RPGRIP1L: variants seen among roughly 807,000 people sequenced by gnomAD.
The protein encoded by RPGRIP1L is protein fantom.
Under a neutral mutation model 160.4 loss-of-function variants are expected in RPGRIP1L, and 131 were observed. That is an observed-to-expected ratio of 0.82 (90% CI 0.71 to 0.94). RPGRIP1L has a LOEUF of 0.94. Ranked by LOEUF, RPGRIP1L falls within the 40% of genes least tolerant of loss-of-function variation. The pLI, the probability that RPGRIP1L is intolerant of heterozygous loss-of-function variation, is 0.00. For synonymous variants in RPGRIP1L, 510 were observed against 515.8 expected, an observed-to-expected ratio of 0.99 and a Z score of 0.15; for missense variants, 1,522 against 1,535.8, an observed-to-expected ratio of 0.99 and a Z score of 0.15.
chr16:53,646,072 C>T, intron 16 of RPGRIP1L, 69 bp from the exon 17 acceptor site: 1 of 1,408,406 alleles, frequency 7.1e-7, no homozygotes, highest in Non-Finnish European at 1.0e-6. Context: ...CTGCCAAGCC[C>T]CAAATAAGAT....
rs555351583 is a variant in RPGRIP1L at position 53,637,070 on chromosome 16, C to T, written c.3221-558G>A. 3.3e-5 allele frequency among the ~76,000 whole-genome samples: 5 copies of T among 152,196 alleles called. No homozygotes were observed. The East Asian group carries it at 7.7e-4, about 24-fold the overall frequency. On this transcript the variant is annotated intron_variant, in intron 21 of 26. Coordinates refer to ENST00000647211, the MANE Select transcript of RPGRIP1L (RefSeq NM_015272.5). ...GCTATTCACAGGCACCATCATAGCA[C>T]ACTGCAGCCTCGAAGTCCTGGGCTC...
Position 53,649,052 on chromosome 16 carries a change from A to C in RPGRIP1L, c.2216T>G (p.Met739Arg). 6.2e-7 allele frequency: 1 copy of C among 1,614,024 alleles called. No individual in the cohort carries two copies. The highest frequency in any genetic ancestry group is 8.5e-7 in the Non-Finnish European group (1 of 1,179,908). Residue 739 changes from methionine (M) to arginine (R), a missense_variant, in exon 16 of 27, where the codon ATG (methionine) becomes AGG (arginine). Met to Arg is a moderately conservative substitution (Grantham distance 91). Transcript: ENST00000647211. ...TCGATAAAGTCGAATTGCTTGATCC[A>C]TGGGAACTCTTAATCGGAACCAGTA... is the stretch of plus-strand genomic sequence containing the variant. ...VEYWFRLRVP[M>R]DQAIRLYRER...
At chr16:53,608,559 C>T (rs560710512) in intron 25 of RPGRIP1L, among the ~76,000 whole-genome samples, 2 of 152,218 alleles carry the variant, frequency 1.3e-5, no homozygotes, top group Admixed American at 1.3e-4. Context: ...TAAAGTGACA[C>T]GTGTATATTT....
chr16:53,614,809 T>A (rs973661653), intron 24 of RPGRIP1L, among the ~76,000 whole-genome samples: 1 of 152,230 alleles, frequency 6.6e-6, no homozygotes, highest in Non-Finnish European at 1.5e-5. Flanking sequence ...TTAGGACTTG[T>A]ATGATTTTGA....
intron 15 of RPGRIP1L, among the ~76,000 whole-genome samples, chr16:53,651,207 T>G (rs1966850267): frequency 6.6e-6 from 1 of 152,214 alleles, no homozygotes; most frequent in African/African-American, 2.4e-5. Context: ...CAGAAATTCT[T>G]ACTTCATCCA....
intron 24 of RPGRIP1L, among the ~76,000 whole-genome samples, chr16:53,618,260 T>C (rs895719234): frequency 1.3e-5 from 2 of 152,238 alleles, no homozygotes; most frequent in Non-Finnish European, 2.9e-5. Flanking sequence ...AATTAAAATC[T>C]TGAACATCTA....
At chr16:53,608,043 A>C in intron 25 of RPGRIP1L, 1 of 841,492 alleles carries the variant, frequency 1.2e-6, no homozygotes, top group Non-Finnish European at 1.4e-6. Context: ...GGAAGGAAGA[A>C]CAGGAAGTGC....
chr16:53,696,173 T>A lies in RPGRIP1L; in HGVS notation c.208A>T (p.Lys70Ter). The change falls in exon 3 of 27, where the codon AAG becomes TAG. Residue 70 changes from lysine (K) to a stop codon, truncating the protein, a stop_gained. Transcript: ENST00000647211. LOFTEE classifies it high-confidence loss of function. ...AACCTTTTAATTTTATCCTCCTGCT[T>A]GCGGGCATGCTGTTTAAGTAAAATG... ...ENILLKQHAR[K>*]QEDKIKRMAT... 6.2e-7 allele frequency: 1 copy of A among 1,614,054 alleles called. No individual in the cohort carries two copies. The highest frequency in any genetic ancestry group is 8.5e-7 in the Non-Finnish European group (1 of 1,179,974).
intron 12 of RPGRIP1L, 151 bp downstream of exon 12, chr16:53,658,263 T>C: frequency 1.4e-6 from 1 of 714,718 alleles, no homozygotes; most frequent in South Asian, 1.5e-5. Flanking sequence ...AGTGTTGACA[T>C]GTTACATACA....
chr16:53,613,619 ATCTTT>A (rs1480506900), intron 24 of RPGRIP1L, among the ~76,000 whole-genome samples: 1 of 152,108 alleles, frequency 6.6e-6, no homozygotes, highest in Non-Finnish European at 1.5e-5. Context: ...GACTGGCCCA[ATCTTT>A]TCTTTTTCTT....
chr16:53,624,037 G>C (rs4783816), intron 22 of RPGRIP1L, among the ~76,000 whole-genome samples: 12,108 of 152,148 alleles, frequency 0.08, 897 homozygotes, highest in African/African-American at 0.17. Flanking sequence ...GACTAGAGGA[G>C]CATGCCAACA....
At chr16:53,627,772 CATTT>C (rs1354292968) in intron 22 of RPGRIP1L, among the ~76,000 whole-genome samples, 1 of 152,102 alleles carries the variant, frequency 6.6e-6, no homozygotes, top group Non-Finnish European at 1.5e-5. Context: ...AGATTTATCA[CATTT>C]ATTTTTCAAA....
At chr16:53,616,921 A>C (rs1041120272) in intron 24 of RPGRIP1L, among the ~76,000 whole-genome samples, 1 of 151,520 alleles carries the variant, frequency 6.6e-6, no homozygotes, top group African/African-American at 2.4e-5. Context: ...AAAATACAAA[A>C]ATTAGCTGGG....
chr16:53,692,407 G>A lies in RPGRIP1L; in HGVS notation c.231-43C>T, dbSNP rs1299856457. On this transcript the variant is annotated intron_variant, in intron 3 of 26. Transcript: ENST00000647211. ...AGATGAAAAGGAATGTGAGAAGTCA[G>A]CATAAAATCCATTCTGTTGAAAGGA... 7 of 1,557,890 alleles carry A rather than the reference G, an allele frequency of 4.5e-6. No homozygotes were observed. The African/African-American group carries it at 8.1e-5, about 18-fold the overall frequency.
chr16:53,646,045 T>A (rs1479708571), intron 16 of RPGRIP1L, 42 bp from the exon 17 acceptor site: 7 of 1,592,304 alleles, frequency 4.4e-6, no homozygotes, highest in Non-Finnish European at 6.0e-6. Flanking sequence ...ATAACACAGT[T>A]AAAAGATGAA....
intron 6 of RPGRIP1L, among the ~76,000 whole-genome samples, chr16:53,679,403 T>G (rs1969442673): frequency 6.6e-6 from 1 of 152,150 alleles, no homozygotes; most frequent in Non-Finnish European, 1.5e-5. Context: ...AATCTGATTT[T>G]TTTTTCCTTT....
At chr16:53,635,110 A>T (rs918941030) in intron 22 of RPGRIP1L, among the ~76,000 whole-genome samples, 5 of 152,204 alleles carry the variant, frequency 3.3e-5, no homozygotes, top group African/African-American at 1.2e-4. Context: ...AGAAAGAAAA[A>T]ATATATATGT....
intron 2 of RPGRIP1L, among the ~76,000 whole-genome samples, 167 bp downstream of exon 2, chr16:53,700,472 T>C (rs1046050358): frequency 1.3e-5 from 2 of 152,228 alleles, no homozygotes; most frequent in Non-Finnish European, 2.9e-5. Context: ...CTGATGCATG[T>C]AGTAAAATAC....
At chr16:53,614,298 G>A (rs116625609) in intron 24 of RPGRIP1L, among the ~76,000 whole-genome samples, 1,933 of 152,138 alleles carry the variant, frequency 0.013, 25 homozygotes, top group African/African-American at 0.034. Flanking sequence ...GGCCTAGATT[G>A]GGCATCTTTA....
Sources: gnomAD v4.1 joint callset for allele counts (sites outside exome capture counted in the v4.1 genomes callset) on GRCh38, gnomAD v4.1.1 for gene constraint, MANE v1.5 for transcripts, NCBI Gene and HGNC (gene_info 2026-07-23, HGNC 2026-07-21) for gene names.